CHRNA3: variants seen among roughly 807,000 people sequenced by gnomAD.
The protein encoded by CHRNA3 is cholinergic receptor nicotinic alpha 3 subunit.
In CHRNA3, 34 loss-of-function variants were observed where a neutral mutation model predicts 41.9. That is an observed-to-expected ratio of 0.81 (90% CI 0.62 to 1.08). The LOEUF is 1.08. Among genes scored for constraint, CHRNA3 ranks in the 50% least tolerant of loss-of-function variants. The pLI, the probability that CHRNA3 is intolerant of heterozygous loss-of-function variation, is 0.00. For missense variants in CHRNA3, 542 were observed against 638.3 expected, an observed-to-expected ratio of 0.85 and a Z score of 1.63; for synonymous variants, 281 against 265.2, an observed-to-expected ratio of 1.06 and a Z score of -0.58.
chr15:78,608,521 C>T (rs1224067616), intron 4 of CHRNA3, among the ~76,000 whole-genome samples: 1 of 152,246 alleles, frequency 6.6e-6, no homozygotes, highest in Non-Finnish European at 1.5e-5. Flanking sequence ...GCTGAGGGTC[C>T]TGTCTGTTAG....
At chr15:78,602,382 G>C in intron 4 of CHRNA3, 118 bp from the exon 5 acceptor site, 3 of 1,157,924 alleles carry the variant, frequency 2.6e-6, no homozygotes, top group Non-Finnish European at 2.4e-6. Context: ...GAAGATGAGA[G>C]CTAAAGTGCC....
Position 78,620,976 on chromosome 15 carries a change from A to C in CHRNA3, c.-182T>G. On this transcript the variant is annotated 5_prime_UTR_variant, in exon 1 of 6. Coordinates refer to ENST00000326828, the MANE Select transcript of CHRNA3 (RefSeq NM_000743.5). ...TTTCCAGCGCCCTCGGACCCGCGGG[A>C]GGACAGGAACCATCCGGAGTGAAGC... The C allele has an allele frequency of 1.5e-6, 1 of 658,142 alleles. No homozygotes were observed. Among genetic ancestry groups the C allele is most frequent in the Non-Finnish European group, 2.0e-6 (1 of 498,720 alleles). The allele number at this position is 658,142 out of a possible 1,614,324, so 40.8% of individuals were successfully genotyped here.
chr15:78,615,628 G>C (rs922402245), intron 4 of CHRNA3, among the ~76,000 whole-genome samples: 2 of 151,158 alleles, frequency 1.3e-5, no homozygotes, highest in African/African-American at 2.4e-5. Flanking sequence ...TGTTTCTGTG[G>C]GGCAGGACCT....
intron 4 of CHRNA3, among the ~76,000 whole-genome samples, chr15:78,609,384 C>G (rs1484832739): frequency 1.3e-5 from 2 of 152,178 alleles, no homozygotes; most frequent in African/African-American, 4.8e-5. Context: ...GATCTCTCGG[C>G]AGATACTCTA....
At position 78,601,818 on chromosome 15, in the gene CHRNA3, AG is replaced by A; in HGVS notation, c.823del (p.Leu275CysfsTer9). ...CAGGGAGAGGAGGACAGAAATGCACAGGGTCACCTTCTCACCGCAGTCGGAG... is the reference window on the plus strand; with the variant it reads ...CAGGGAGAGGAGGACAGAAATGCACAGGTCACCTTCTCACCGCAGTCGGAG... The part of the protein sequence containing the change: ...LPSDCGEKVT[L>X]CISVLLSLTV... On this transcript the variant is annotated frameshift_variant, in exon 5 of 6. Transcript: ENST00000326828. LOFTEE classifies it high-confidence loss of function. The A allele has an allele frequency of 6.2e-7, 1 of 1,614,180 alleles. No homozygotes were observed. The highest frequency in any genetic ancestry group is 1.1e-5 in the South Asian group (1 of 91,078).
intron 4 of CHRNA3, among the ~76,000 whole-genome samples, chr15:78,609,307 A>G (rs1366239761): frequency 1.3e-5 from 2 of 152,194 alleles, no homozygotes; most frequent in Non-Finnish European, 2.9e-5. Context: ...TGAAGGAAAA[A>G]ATGTTAAGGG....
chr15:78,617,419 G>A lies in CHRNA3; in HGVS notation c.268-286C>T, dbSNP rs139213187. ...AACAGGGCCTACTCGTGCTTTCTCTGGTCACTTCTAGTGCCAGGTGGAGAC... is the reference window on the plus strand; with the variant it reads ...AACAGGGCCTACTCGTGCTTTCTCTAGTCACTTCTAGTGCCAGGTGGAGAC... On this transcript the variant is annotated intron_variant, in intron 3 of 5. Coordinates refer to ENST00000326828, the MANE Select transcript of CHRNA3 (RefSeq NM_000743.5). 1.5e-4 allele frequency among the ~76,000 whole-genome samples: 23 copies of A among 152,188 alleles called. No individual in the cohort carries two copies. In the East Asian group the frequency reaches 4.3e-3, roughly 28 times the overall value.
Position 78,596,030 on chromosome 15 carries a change from C to T in CHRNA3, c.*574G>A. ...TGGTGTACTAAGACAGTTATATTAA[C>T]AATGAATAACTAGGCATGATTTCTC... On this transcript the variant is annotated 3_prime_UTR_variant, in exon 6 of 6. Coordinates refer to ENST00000326828, the MANE Select transcript of CHRNA3 (RefSeq NM_000743.5). 3 of 964,600 alleles carry T rather than the reference C, an allele frequency of 3.1e-6. No individual in the cohort carries two copies. The highest frequency in any genetic ancestry group is 3.7e-6 in the Non-Finnish European group (3 of 811,254). 59.8% of individuals were successfully genotyped at this position (964,600 alleles called of 1,614,324 possible).
chr15:78,593,414 T>C, downstream of CHRNA3: 1 of 619,392 alleles, frequency 1.6e-6, no homozygotes, highest in Non-Finnish European at 2.5e-6. Flanking sequence ...ATTTGAACAG[T>C]TGGCTGTATG....
At position 78,619,328 on chromosome 15, in the gene CHRNA3, C is replaced by A. The variant is rs575989256; in HGVS notation, c.83-413G>T. ...GAAGGAAGTGCACAGCTTGGTGCTG[C>A]GGTAAGAGGTCAAGAACTATTCGCA... is the stretch of plus-strand genomic sequence containing the variant. On this transcript the variant is annotated intron_variant, in intron 1 of 5. Coordinates refer to ENST00000326828, the MANE Select transcript of CHRNA3 (RefSeq NM_000743.5). 32 of 202,852 alleles carry A rather than the reference C, an allele frequency of 1.6e-4. No homozygotes were observed. In the East Asian group the frequency reaches 3.8e-3, roughly 24 times the overall value. 12.6% of individuals were successfully genotyped at this position (202,852 alleles called of 1,614,324 possible). A position where few individuals can be genotyped will look rare whatever the true frequency, so the allele number is the denominator to read the frequency against.
intron 3 of CHRNA3, 140 bp from the exon 4 acceptor site, chr15:78,617,273 C>T (rs551301461): frequency 2.2e-5 from 14 of 631,546 alleles, no homozygotes; most frequent in South Asian, 2.0e-4. Flanking sequence ...ATCACATAGT[C>T]CAACTTCTCC....
intron 5 of CHRNA3, among the ~76,000 whole-genome samples, chr15:78,600,605 G>T (rs1281481325): frequency 6.6e-6 from 1 of 152,202 alleles, no homozygotes; most frequent in Non-Finnish European, 1.5e-5. Context: ...ATAAAGGCCA[G>T]GTGCGGTGGC....
In CHRNA3 at chr15:78,596,649, T is replaced by C. The variant is rs1434724170; in HGVS notation, c.1473A>G (p.Thr491=). 1 of 1,612,490 alleles carries C rather than the reference T, an allele frequency of 6.2e-7. No individual in the cohort carries two copies. The highest frequency in any genetic ancestry group is 1.7e-5 in the Admixed American group (1 of 59,284). ...WVFTLVCILG[T]AGLFLQPLMA... ...TCAGGGGTTGCAGAAACAATCCTGC[T>C]GTCCCTAGAATGCACACCAGGGTGA... Residue 491 remains threonine (T), a synonymous_variant, in exon 6 of 6, where the codon ACA becomes ACG. Coordinates refer to ENST00000326828, the MANE Select transcript of CHRNA3 (RefSeq NM_000743.5).
chr15:78,614,320 T>C lies in CHRNA3; in HGVS notation c.377+2704A>G, dbSNP rs1368491229. ...AGTTCCCTTAAGAGCATTTGAACCA[T>C]GTGATTCCTACGACAATTCAGTGCA... On this transcript the variant is annotated intron_variant, in intron 4 of 5. Transcript: ENST00000326828. 2.0e-5 allele frequency among the ~76,000 whole-genome samples: 3 copies of C among 152,348 alleles called. No individual in the cohort carries two copies. In the East Asian group the frequency reaches 5.8e-4, roughly 29 times the overall value.
intron 4 of CHRNA3, among the ~76,000 whole-genome samples, chr15:78,611,574 A>C (rs1339158405): frequency 6.6e-6 from 1 of 152,184 alleles, no homozygotes; most frequent in Non-Finnish European, 1.5e-5. Flanking sequence ...TGTATCTCAA[A>C]ATAATAAGAG....
At position 78,620,719 on chromosome 15, in the gene CHRNA3, G is replaced by C; in HGVS notation, c.76C>G (p.Leu26Val). 6.8e-7 allele frequency: 1 copy of C among 1,479,998 alleles called. No individual in the cohort carries two copies. Among genetic ancestry groups the C allele is most frequent in the Non-Finnish European group, 8.9e-7 (1 of 1,126,624 alleles). The allele number at this position is 1,479,998 out of a possible 1,614,324, so 91.7% of individuals were successfully genotyped here. ...CTAACGCCTGTGCGCGTACCTGGCA[G>C]CAGAGACAGCAGCAGCAGCAGCAGC... ...RLLLLLLLSL[L>V]PVARASEAEH... The change falls in exon 1 of 6, where the codon CTG (leucine) becomes GTG (valine). Residue 26 changes from leucine (L) to valine (V), a missense_variant. Physicochemically the swap from Leu to Val is conservative, Grantham distance 32 (BLOSUM62 1). Coordinates refer to ENST00000326828, the MANE Select transcript of CHRNA3 (RefSeq NM_000743.5).
chr15:78,616,871 G>A (rs947622218), intron 4 of CHRNA3, among the ~76,000 whole-genome samples, 153 bp downstream of exon 4: 8 of 152,218 alleles, frequency 5.3e-5, no homozygotes, highest in Non-Finnish European at 1.2e-4. Context: ...TACCTGGTAT[G>A]TAGTAGTTGC....
downstream of CHRNA3, chr15:78,593,443 G>A (rs2053045082): frequency 2.1e-6 from 1 of 466,636 alleles, no homozygotes; most frequent in Non-Finnish European, 3.6e-6. Context: ...AATAACTGAT[G>A]AGATACATTT....
chr15:78,618,812 G>A lies in CHRNA3; in HGVS notation c.186C>T (p.Ile62=). 6.2e-7 allele frequency: 1 copy of A among 1,614,142 alleles called. No individual in the cohort carries two copies. The highest frequency in any genetic ancestry group is 8.5e-7 in the Non-Finnish European group (1 of 1,180,018). The change falls in exon 2 of 6, where the codon ATC becomes ATT. Residue 62 remains isoleucine, a synonymous_variant. Coordinates refer to ENST00000326828, the MANE Select transcript of CHRNA3 (RefSeq NM_000743.5). ...PVANVSDPVI[I]HFEVSMSQLV... is the part of the protein sequence containing the mutation. ...GCTGAGACATGGACACCTCGAAATG[G>A]ATGATGACTGGGTCAGACACGTTGG...
Sources: gnomAD v4.1 joint callset for allele counts (sites outside exome capture counted in the v4.1 genomes callset) on GRCh38, gnomAD v4.1.1 for gene constraint, MANE v1.5 for transcripts, NCBI Gene and HGNC (gene_info 2026-07-23, HGNC 2026-07-21) for gene names.